The following RANBP2 variants were observed in gnomAD, a reference collection of about 807,000 sequenced individuals.
The protein encoded by RANBP2 is RAN binding protein 2, also known as E3 SUMO-protein ligase RanBP2.
RANBP2 carries 57 observed loss-of-function variants against 303.6 expected under a neutral mutation model. The observed-to-expected ratio is 0.19, with a 90% CI of 0.15 to 0.23. RANBP2 has a LOEUF of 0.23. Ranked by LOEUF, RANBP2 falls within the 10% of genes least tolerant of loss-of-function variation. RANBP2 has a pLI of 1.00. For missense variants in RANBP2, 3,138 were observed against 3,780.8 expected (o/e 0.83, Z 4.46); for synonymous variants, 1,167 against 1,301.5 (o/e 0.90, Z 2.23).
At chr2:109,263,924 G>A in the RANBP2 span, among the ~76,000 whole-genome samples, 3 of 152,186 alleles carry the variant, frequency 2.0e-5, no homozygotes, top group African/African-American at 4.8e-5. Flanking sequence ...AGCCAAGATC[G>A]TGCCACTGCA....
At chr2:109,265,224 C>T in the RANBP2 span, among the ~76,000 whole-genome samples, 7 of 152,200 alleles carry the variant, frequency 4.6e-5, no homozygotes, top group East Asian at 9.7e-4. Flanking sequence ...AACAGCTGCA[C>T]ATTAGGATTA....
At chr2:109,232,845 G>A in the RANBP2 span, among the ~76,000 whole-genome samples, 1 of 152,130 alleles carries the variant, frequency 6.6e-6, no homozygotes, top group Admixed American at 6.5e-5. Context: ...ATTTTATCGA[G>A]GTTCAATTTA....
the RANBP2 span, among the ~76,000 whole-genome samples, chr2:109,279,367 A>T: frequency 5.9e-5 from 9 of 152,224 alleles, no homozygotes; most frequent in African/African-American, 1.9e-4. Context: ...CTAAATCGGC[A>T]GTGGCAGGTT....
rs1677149811 is a variant in RANBP2 at position 108,766,773 on chromosome 2, A to G, written c.6234A>G (p.Glu2078=). 1 of 1,612,030 alleles carries G rather than the reference A, an allele frequency of 6.2e-7. No homozygotes were observed. The highest frequency in any genetic ancestry group is 8.5e-7 in the Non-Finnish European group (1 of 1,179,856). The change falls in exon 20 of 29, where the codon GAA becomes GAG. Residue 2078 remains glutamate (E), a synonymous_variant. Transcript: ENST00000283195. ...AACTAAGAATGCTGATGCGAAGAGA[A>G]CAAGTACTAAAAGTGTGTGCTAATC... ...NGKLRMLMRR[E]QVLKVCANHW...
the RANBP2 span, among the ~76,000 whole-genome samples, chr2:109,568,373 CTTTTTTTTT>C: frequency 7.7e-6 from 1 of 129,176 alleles, no homozygotes; most frequent in Non-Finnish European, 1.6e-5. Flanking sequence ...GCCACACAAT[CTTTTTTTTT>C]TTTTTTTTTG....
intron 14 of RANBP2, 41 bp downstream of exon 14, chr2:108,753,604 T>A (rs1676077054): frequency 6.3e-7 from 1 of 1,596,052 alleles, no homozygotes; most frequent in Non-Finnish European, 8.5e-7. Flanking sequence ...TTTATTTATT[T>A]ATTTATTATT....
At chr2:109,259,220 C>T in the RANBP2 span, among the ~76,000 whole-genome samples, 8 of 152,302 alleles carry the variant, frequency 5.3e-5, no homozygotes, top group East Asian at 1.9e-4. Context: ...CTTCATGGGT[C>T]GGATTAAAGG....
At chr2:109,368,717 A>G in the RANBP2 span, among the ~76,000 whole-genome samples, 1 of 150,698 alleles carries the variant, frequency 6.6e-6, no homozygotes, top group Non-Finnish European at 1.5e-5. Flanking sequence ...TTAAAAAAAA[A>G]AAAAAAGAAA....
chr2:108,921,477 T>C, the RANBP2 span, among the ~76,000 whole-genome samples: 1 of 152,226 alleles, frequency 6.6e-6, no homozygotes, highest in East Asian at 1.9e-4. Flanking sequence ...AGAGGTGCTC[T>C]TGACCACAAC....
chr2:109,220,682 GT>G, the RANBP2 span, among the ~76,000 whole-genome samples: 2 of 152,282 alleles, frequency 1.3e-5, no homozygotes, highest in Admixed American at 1.3e-4. Flanking sequence ...CATGTCATTT[GT>G]TACTAGAGGA....
the RANBP2 span, among the ~76,000 whole-genome samples, chr2:109,577,148 G>A: frequency 1.3e-5 from 2 of 152,120 alleles, no homozygotes; most frequent in African/African-American, 4.8e-5. Flanking sequence ...AGGAGAGAGT[G>A]GAATGATATT....
the RANBP2 span, among the ~76,000 whole-genome samples, chr2:109,099,509 G>A: frequency 8.0e-4 from 122 of 152,260 alleles, 1 homozygote; most frequent in Admixed American, 2.5e-3. Flanking sequence ...GCAAGGTGGC[G>A]TACAGCAAGG....
the RANBP2 span, among the ~76,000 whole-genome samples, chr2:109,197,503 G>C: frequency 6.6e-6 from 1 of 151,346 alleles, no homozygotes; most frequent in Non-Finnish European, 1.5e-5. Flanking sequence ...ATTTGTGAAG[G>C]CTACTCAGGA....
chr2:109,525,175 G>A, the RANBP2 span, among the ~76,000 whole-genome samples: 722 of 150,544 alleles, frequency 4.8e-3, 5 homozygotes, highest in Non-Finnish European at 5.6e-3. Context: ...TGGTTTTTGA[G>A]ACAGAGTCTC....
chr2:109,087,933 T>C, the RANBP2 span, among the ~76,000 whole-genome samples: 47 of 152,178 alleles, frequency 3.1e-4, no homozygotes, highest in Non-Finnish European at 5.1e-4. Flanking sequence ...GGCTCCCCCA[T>C]TGTGTGGCCT....
chr2:109,607,450 C>G, the RANBP2 span, among the ~76,000 whole-genome samples: 1 of 151,926 alleles, frequency 6.6e-6, no homozygotes, highest in Non-Finnish European at 1.5e-5. Flanking sequence ...TATCTCTCCC[C>G]CTAAAGAGAG....
the RANBP2 span, among the ~76,000 whole-genome samples, chr2:109,202,409 A>C: frequency 6.6e-6 from 1 of 151,972 alleles, no homozygotes; most frequent in Non-Finnish European, 1.5e-5. Context: ...GCCCGAACTT[A>C]ATTGTACTTT....
chr2:109,048,558 G>A, the RANBP2 span, among the ~76,000 whole-genome samples: 1 of 152,166 alleles, frequency 6.6e-6, no homozygotes, highest in Non-Finnish European at 1.5e-5. Context: ...GAATTGCAGG[G>A]AGTGCACATG....
the RANBP2 span, among the ~76,000 whole-genome samples, chr2:109,673,340 T>A: frequency 3.9e-5 from 6 of 152,300 alleles, no homozygotes; most frequent in East Asian, 9.7e-4. Context: ...TTTGCCCACA[T>A]GAGAGGACCT....
Sources: allele counts gnomAD v4.1 joint callset (sites outside exome capture counted in the v4.1 genomes callset), GRCh38; gene constraint gnomAD v4.1.1; transcripts MANE v1.5; gene names NCBI Gene and HGNC (gene_info 2026-07-23, HGNC 2026-07-21).